The following RANBP2 variants were observed in gnomAD, a reference collection of about 807,000 sequenced individuals.
RANBP2 encodes the protein RAN binding protein 2, also known as E3 SUMO-protein ligase RanBP2.
RANBP2 carries 57 observed loss-of-function variants against 303.6 expected under a neutral mutation model. The ratio of observed to expected loss-of-function variants is 0.19; its 90% confidence interval spans 0.15 to 0.23. RANBP2 has a LOEUF of 0.23. RANBP2 is among the 10% of genes least tolerant of loss of function. The probability of loss-of-function intolerance (pLI) is 1.00; values close to 1 mark genes in which losing one functional copy is unlikely to be tolerated. For synonymous variants in RANBP2, 1,167 were observed against 1,301.5 expected (o/e 0.90, Z 2.23); for missense variants, 3,138 against 3,780.8 (o/e 0.83, Z 4.46).
At chr2:109,398,678 C>G in the RANBP2 span, 3 of 1,609,706 alleles carry the variant, frequency 1.9e-6, no homozygotes, top group Non-Finnish European at 2.5e-6. Context: ...CCCTCTGACT[C>G]CGGCGCTGTG....
chr2:109,094,693 A>G, the RANBP2 span, among the ~76,000 whole-genome samples: 1 of 152,110 alleles, frequency 6.6e-6, no homozygotes, highest in Non-Finnish European at 1.5e-5. Context: ...AGCTAGGCAT[A>G]GTGGTGGGTG....
At chr2:109,029,903 A>G in the RANBP2 span, among the ~76,000 whole-genome samples, 4 of 152,056 alleles carry the variant, frequency 2.6e-5, no homozygotes, top group Non-Finnish European at 5.9e-5. Context: ...AAGGCTGTTT[A>G]TTTTAAAGAA....
the RANBP2 span, among the ~76,000 whole-genome samples, chr2:109,193,983 G>A: frequency 6.6e-6 from 1 of 152,240 alleles, no homozygotes; most frequent in East Asian, 1.9e-4. Flanking sequence ...GGGCACCAGA[G>A]TGAGTGACTG....
At chr2:109,129,119 C>G in the RANBP2 span, 3 of 356,224 alleles carry the variant, frequency 8.4e-6, no homozygotes, top group Non-Finnish European at 1.6e-5. Context: ...GCGTGCACGC[C>G]GCGCCCCGGC....
the RANBP2 span, among the ~76,000 whole-genome samples, chr2:109,191,596 C>T: frequency 1.3e-5 from 2 of 152,102 alleles, no homozygotes; most frequent in Non-Finnish European, 2.9e-5. Context: ...CAGGCATTTC[C>T]CACCCTTTCA....
rs765305834 is a variant in RANBP2, at chr2:108,772,446, C to T, written c.8021-43C>T. On this transcript the variant is annotated intron_variant, in intron 21 of 28. Transcript: ENST00000283195. ...GGTAGTCCCTAAGCAAGGAAAACCC[C>T]CCAAAATTAACTAGAAATTCTTTTA... 20 of 1,557,420 alleles carry T rather than the reference C, an allele frequency of 1.3e-5. No homozygotes were observed. In the East Asian group the frequency reaches 3.8e-4, roughly 30 times the overall value.
chr2:109,181,229 G>A, the RANBP2 span, among the ~76,000 whole-genome samples: 124,640 of 152,200 alleles, frequency 0.82, 51,178 homozygotes, highest in East Asian at 0.89. Context: ...GAAAAGTTGA[G>A]AAAACAGAAC....
the RANBP2 span, among the ~76,000 whole-genome samples, chr2:109,484,131 T>C: frequency 6.6e-6 from 1 of 150,662 alleles, no homozygotes; most frequent in Non-Finnish European, 1.5e-5. Flanking sequence ...TGCAGTGGCG[T>C]GATCTTGTCA....
the RANBP2 span, among the ~76,000 whole-genome samples, chr2:109,130,296 G>T: frequency 6.6e-6 from 1 of 152,206 alleles, no homozygotes; most frequent in Non-Finnish European, 1.5e-5. Flanking sequence ...TGGGCAGCTC[G>T]CCGCTTGTTC....
chr2:108,740,701 G>A lies in RANBP2; in HGVS notation c.975+20G>A. 6.3e-7 allele frequency: 1 copy of A among 1,597,426 alleles called. No homozygotes were observed. Among genetic ancestry groups the A allele is most frequent in the Non-Finnish European group, 8.5e-7 (1 of 1,179,758 alleles). On this transcript the variant is annotated intron_variant, in intron 7 of 28. Transcript: ENST00000283195. ...TTTCAGGTAAGTCTTCCACTTGTAG[G>A]AGCAATTGACATTTCACTGAGTCTT...
Position 108,763,864 on chromosome 2 carries a change from A to G in RANBP2, c.3325A>G (p.Ile1109Val), listed in dbSNP as rs1558919160. 3.1e-6 allele frequency: 5 copies of G among 1,614,010 alleles called. No individual in the cohort carries two copies. The highest frequency in any genetic ancestry group is 4.2e-6 in the Non-Finnish European group (5 of 1,179,988). Residue 1109 changes from isoleucine to valine, a missense_variant, in exon 20 of 29, where the codon ATT (isoleucine) becomes GTT (valine). Coordinates refer to ENST00000283195, the MANE Select transcript of RANBP2 (RefSeq NM_006267.5). Reference protein sequence around the residue: ...FNFGSKNVSGISFTENMGSSQ... With the variant: ...FNFGSKNVSGVSFTENMGSSQ... Reference sequence around the variant, plus strand: ...TTTTGGAAGCAAAAATGTGTCTGGAATTTCATTTACAGAAAACATGGGGTC... The same window carrying G: ...TTTTGGAAGCAAAAATGTGTCTGGAGTTTCATTTACAGAAAACATGGGGTC...
At position 108,755,032 on chromosome 2, in the gene RANBP2, A is replaced by G. The variant is rs61748146; in HGVS notation, c.2330A>G (p.His777Arg). Residue 777 changes from histidine (H) to arginine (R), a missense_variant, in exon 16 of 29, where the codon CAT becomes CGT. His to Arg is a conservative substitution (Grantham distance 29). Coordinates refer to ENST00000283195, the MANE Select transcript of RANBP2 (RefSeq NM_006267.5). ...CGAAATGCAGATTCAGAAATAAAAC[A>G]TTCTACACCGTCTCCTACCAGATAT... ...SLRNADSEIKHSTPSPTRYSL... is the reference protein window; with the variant it reads ...SLRNADSEIKRSTPSPTRYSL... 6,323 of 1,611,920 alleles carry G rather than the reference A, an allele frequency of 3.9e-3. 216 individuals carry two copies. In the African/African-American group the frequency reaches 0.072, roughly 18 times the overall value.
At chr2:109,111,630 A>AT in the RANBP2 span, among the ~76,000 whole-genome samples, 1 of 149,122 alleles carries the variant, frequency 6.7e-6, no homozygotes, top group Non-Finnish European at 1.5e-5. Context: ...AATTTTTAAA[A>AT]TTTTTGTTAT....
At chr2:109,385,039 C>G in the RANBP2 span, among the ~76,000 whole-genome samples, 1 of 152,248 alleles carries the variant, frequency 6.6e-6, no homozygotes, top group South Asian at 2.1e-4. Flanking sequence ...CATGCCTGGC[C>G]CTGATCGTTG....
At chr2:108,888,304 A>G in the RANBP2 span, among the ~76,000 whole-genome samples, 1 of 152,044 alleles carries the variant, frequency 6.6e-6, no homozygotes, top group Admixed American at 6.6e-5. Flanking sequence ...ATGTTCATTC[A>G]CCAGGGATAT....
the RANBP2 span, among the ~76,000 whole-genome samples, chr2:108,797,438 A>G: frequency 3.9e-4 from 60 of 152,344 alleles, no homozygotes; most frequent in African/African-American, 1.4e-3. Flanking sequence ...AGTCATTTCA[A>G]TAGAGGAATA....
chr2:109,708,674 A>T, the RANBP2 span, among the ~76,000 whole-genome samples: 1 of 151,866 alleles, frequency 6.6e-6, no homozygotes, highest in Non-Finnish European at 1.5e-5. Flanking sequence ...TAATTAATTA[A>T]GTTTAAAAAT....
the RANBP2 span, among the ~76,000 whole-genome samples, chr2:109,439,366 A>G: frequency 6.6e-6 from 1 of 152,198 alleles, no homozygotes; most frequent in African/African-American, 2.4e-5. Flanking sequence ...ACTGAGCCAT[A>G]TCAGTAAATT....
chr2:108,950,302 C>T, the RANBP2 span, among the ~76,000 whole-genome samples: 1 of 147,732 alleles, frequency 6.8e-6, no homozygotes, highest in Non-Finnish European at 1.5e-5. Context: ...TTTTGACAGG[C>T]GGGTCTCAGT....
Sources: gnomAD v4.1 joint callset for allele counts (sites outside exome capture counted in the v4.1 genomes callset) on GRCh38, gnomAD v4.1.1 for gene constraint, MANE v1.5 for transcripts, NCBI Gene and HGNC (gene_info 2026-07-23, HGNC 2026-07-21) for gene names.